Variants in CSMD1 observed in about 807,000 individuals in gnomAD.
The protein encoded by CSMD1 is CUB and sushi domain-containing protein 1.
A neutral mutation model predicts 417.5 loss-of-function variants in CSMD1; 213 were observed. That is an observed-to-expected ratio of 0.51 (90% CI 0.46 to 0.57). The LOEUF (loss-of-function observed/expected upper bound fraction) is 0.57. Among genes scored for constraint, CSMD1 ranks in the 20% least tolerant of loss-of-function variants. The probability of loss-of-function intolerance (pLI) is 0.00; values close to 1 mark genes in which losing one functional copy is unlikely to be tolerated. For missense variants in CSMD1, 6,923 were observed against 4,529.7 expected (o/e 1.53, Z -15.17); for synonymous variants, 2,862 against 1,736.8 (o/e 1.65, Z -16.11).
intron 54 of CSMD1, among the ~76,000 whole-genome samples, chr8:2,980,800 C>T (rs753288059): frequency 2.6e-5 from 4 of 152,200 alleles, no homozygotes; most frequent in African/African-American, 4.8e-5. Flanking sequence ...CCTTACATTG[C>T]ATTAGAATTG....
At chr8:4,172,061 G>A (rs1447901141) in intron 3 of CSMD1, among the ~76,000 whole-genome samples, 5 of 152,226 alleles carry the variant, frequency 3.3e-5, no homozygotes, top group South Asian at 2.1e-4. Flanking sequence ...GATGCTTAAA[G>A]TATCTCTTTC....
intron 3 of CSMD1, among the ~76,000 whole-genome samples, chr8:4,409,529 T>A (rs963925363): frequency 2.0e-5 from 3 of 152,178 alleles, no homozygotes; most frequent in African/African-American, 7.2e-5. Context: ...AATATGTAAC[T>A]AGGCAGCTCA....
chr8:3,028,197 T>A (rs1810086438), intron 51 of CSMD1, among the ~76,000 whole-genome samples: 1 of 152,228 alleles, frequency 6.6e-6, no homozygotes, highest in Non-Finnish European at 1.5e-5. Context: ...CAAGATGATG[T>A]TGGCGGGAAG....
chr8:3,512,074 C>G (rs1316555428), intron 10 of CSMD1, among the ~76,000 whole-genome samples: 1 of 152,108 alleles, frequency 6.6e-6, no homozygotes, highest in Non-Finnish European at 1.5e-5. Context: ...TAGAGAGTTA[C>G]TTTTACTCTG....
At chr8:3,439,766 T>C (rs1427317051) in intron 12 of CSMD1, among the ~76,000 whole-genome samples, 1 of 152,206 alleles carries the variant, frequency 6.6e-6, no homozygotes, top group Non-Finnish European at 1.5e-5. Context: ...CTCATATCTT[T>C]TACTAAAACT....
intron 3 of CSMD1, among the ~76,000 whole-genome samples, chr8:4,304,143 A>G (rs1032011080): frequency 6.6e-6 from 1 of 152,192 alleles, no homozygotes; most frequent in Non-Finnish European, 1.5e-5. Context: ...TGAATTTTCA[A>G]ATAAAACAAT....
At chr8:3,030,277 T>C (rs963118467) in intron 50 of CSMD1, among the ~76,000 whole-genome samples, 1 of 151,958 alleles carries the variant, frequency 6.6e-6, no homozygotes, top group Non-Finnish European at 1.5e-5. Flanking sequence ...CTTTGAAAAG[T>C]GCAAGATGAT....
chr8:4,370,717 G>A (rs149991703), intron 3 of CSMD1, among the ~76,000 whole-genome samples: 60 of 152,320 alleles, frequency 3.9e-4, no homozygotes, highest in African/African-American at 1.4e-3. Flanking sequence ...AGCTCGGTCT[G>A]TTATACAGTT....
chr8:4,274,240 G>C (rs573574097), intron 3 of CSMD1, among the ~76,000 whole-genome samples: 3 of 152,092 alleles, frequency 2.0e-5, no homozygotes, highest in Non-Finnish European at 4.4e-5. Flanking sequence ...GAAATAATCA[G>C]CATTTTATTA....
At chr8:3,742,873 G>A (rs575346483) in intron 6 of CSMD1, among the ~76,000 whole-genome samples, 36 of 152,344 alleles carry the variant, frequency 2.4e-4, no homozygotes, top group Admixed American at 1.2e-3. Context: ...TTCTAAATGT[G>A]TTATGACTGC....
chr8:3,612,093 G>C (rs531991249), intron 8 of CSMD1, among the ~76,000 whole-genome samples: 3 of 152,038 alleles, frequency 2.0e-5, no homozygotes, highest in Middle Eastern at 3.4e-3. Flanking sequence ...ATTGAATATA[G>C]AAACATATAT....
At position 3,188,234 on chromosome 8, in the gene CSMD1, A is replaced by T. The variant is rs1462242717; in HGVS notation, c.5524-269T>A. Among the ~76,000 whole-genome samples the T allele has an allele frequency of 6.2e-5, 3 of 48,774 alleles. No homozygotes were observed. The Admixed American group carries it at 6.9e-4, about 11-fold the overall frequency. The allele number at this position is 48,774 out of a possible 152,430, so 32.0% of individuals were successfully genotyped here. On this transcript the variant is annotated intron_variant, in intron 35 of 69. Coordinates refer to ENST00000635120, the MANE Select transcript of CSMD1 (RefSeq NM_033225.6). ...TCTACATGTCTATCTATCTATATATACATGGCAAAATTTAAAAAAAACAAA... is the reference window on the plus strand; with the variant it reads ...TCTACATGTCTATCTATCTATATATTCATGGCAAAATTTAAAAAAAACAAA...
chr8:3,412,021 CACACGTATATATACACATATAT>C (rs1212377674), intron 12 of CSMD1, among the ~76,000 whole-genome samples: 300 of 5,322 alleles, frequency 0.056, 102 homozygotes, highest in African/African-American at 0.15. Context: ...TATACATATA[CACACGTATATATACACATATAT>C]ACACGTATAT....
At chr8:3,733,205 A>ACACACACACT (rs1554525004) in intron 6 of CSMD1, among the ~76,000 whole-genome samples, 83 of 87,088 alleles carry the variant, frequency 9.5e-4, no homozygotes, top group East Asian at 9.0e-3. Context: ...ACACACACAC[A>ACACACACACT]CTCTCTCTCT....
intron 3 of CSMD1, among the ~76,000 whole-genome samples, chr8:4,091,640 C>G (rs1033743696): frequency 6.6e-6 from 1 of 152,112 alleles, no homozygotes; most frequent in Non-Finnish European, 1.5e-5. Context: ...AATAAAGAGC[C>G]CCACAACGAG....
At chr8:2,952,894 T>C (rs1346068726) in intron 65 of CSMD1, among the ~76,000 whole-genome samples, 1 of 152,182 alleles carries the variant, frequency 6.6e-6, no homozygotes, top group Non-Finnish European at 1.5e-5. Flanking sequence ...TTTCTGGGTC[T>C]TTATAATTTC....
intron 3 of CSMD1, among the ~76,000 whole-genome samples, chr8:4,322,030 A>C (rs1467856891): frequency 6.6e-6 from 1 of 152,148 alleles, no homozygotes; most frequent in Non-Finnish European, 1.5e-5. Flanking sequence ...CCATTAATTT[A>C]GTTCATATTT....
chr8:4,360,424 TTAAC>T (rs373476586), intron 3 of CSMD1, among the ~76,000 whole-genome samples: 20 of 152,274 alleles, frequency 1.3e-4, no homozygotes, highest in African/African-American at 2.6e-4. Context: ...GTGGAATTAA[TTAAC>T]TGTGTTTTAA....
rs148371932 is a variant in CSMD1 at position 3,717,380 on chromosome 8, C to T, written c.932-8889G>A. On this transcript the variant is annotated intron_variant, in intron 6 of 69. Transcript: ENST00000635120. The stretch of plus-strand genomic sequence containing the variant: ...TAGTCCCACTATAATAAAAGATATA[C>T]ACTGAGTCACACAGTATTAATTTTG... Among the ~76,000 whole-genome samples the T allele has an allele frequency of 8.5e-5, 13 of 152,154 alleles. No homozygotes were observed. The East Asian group carries it at 1.7e-3, about 20-fold the overall frequency.
Sources: gnomAD v4.1 joint callset for allele counts (sites outside exome capture counted in the v4.1 genomes callset) on GRCh38, gnomAD v4.1.1 for gene constraint, MANE v1.5 for transcripts, NCBI Gene and HGNC (gene_info 2026-07-23, HGNC 2026-07-21) for gene names.